Variants in ENOX1 observed in about 807,000 individuals in gnomAD.
ENOX1 encodes the protein ecto-NOX disulfide-thiol exchanger 1, also known as candidate growth-related and time keeping constitutive hydroquinone (NADH) oxidase.
Under a neutral mutation model 82.5 loss-of-function variants are expected in ENOX1, and 42 were observed. The ratio of observed to expected loss-of-function variants is 0.51; its 90% CI spans 0.40 to 0.66. The LOEUF (loss-of-function observed/expected upper bound fraction) is 0.66. Among genes scored for constraint, ENOX1 ranks in the 30% least tolerant of loss-of-function variants. The pLI, the probability that ENOX1 is intolerant of heterozygous loss-of-function variation, is 0.00. For synonymous variants in ENOX1, 271 were observed against 282.2 expected (o/e 0.96, Z 0.40); for missense variants, 608 against 811.6 (o/e 0.75, Z 3.05).
intron 5 of ENOX1, among the ~76,000 whole-genome samples, chr13:43,369,438 A>T (rs1425080881): frequency 6.6e-6 from 1 of 152,172 alleles, no homozygotes; most frequent in Admixed American, 6.5e-5. Context: ...GTTACGATTA[A>T]AAAGTAATGG....
At chr13:43,284,807 TG>T (rs1435195365) in intron 12 of ENOX1, among the ~76,000 whole-genome samples, 2 of 135,302 alleles carry the variant, frequency 1.5e-5, no homozygotes, top group African/African-American at 5.5e-5. Flanking sequence ...TGTGTGTGTG[TG>T]TGTGTAAGAG....
At position 43,360,708 on chromosome 13, in the gene ENOX1, T is replaced by C. The variant is rs1223265835; in HGVS notation, c.382+571A>G. On this transcript the variant is annotated intron_variant, in intron 6 of 16. Coordinates refer to ENST00000690772, the MANE Select transcript of ENOX1 (RefSeq NM_001347969.2). ...AAAAGGCAACACTGATTAATATGAATGACAAAAAAAAAAAAAAGTCCTAGC... is the reference window on the plus strand; with the variant it reads ...AAAAGGCAACACTGATTAATATGAACGACAAAAAAAAAAAAAAGTCCTAGC... Among the ~76,000 whole-genome samples, 13 of 51,776 alleles carry C rather than the reference T, an allele frequency of 2.5e-4. 1 individual carries two copies. Among genetic ancestry groups the C allele is most frequent in the Admixed American group, 1.5e-3 (8 of 5,380 alleles). The allele number at this position is 51,776 out of a possible 152,430, so 34.0% of individuals were successfully genotyped here.
chr13:43,725,051 A>G (rs1434260431), intron 1 of ENOX1, among the ~76,000 whole-genome samples: 2 of 152,168 alleles, frequency 1.3e-5, no homozygotes, highest in Non-Finnish European at 2.9e-5. Context: ...AAGCCAAGGT[A>G]AAGTTCTCTG....
intron 5 of ENOX1, among the ~76,000 whole-genome samples, chr13:43,381,046 A>T (rs1451325780): frequency 6.6e-6 from 1 of 151,892 alleles, no homozygotes; most frequent in Non-Finnish European, 1.5e-5. Context: ...AATAATATCA[A>T]CCAATTTGAC....
At chr13:43,319,654 C>T (rs761358238) in intron 11 of ENOX1, among the ~76,000 whole-genome samples, 2 of 152,104 alleles carry the variant, frequency 1.3e-5, no homozygotes, top group Non-Finnish European at 2.9e-5. Context: ...GACAGAGCGC[C>T]CTGCAGTGGG....
chr13:43,446,463 T>C (rs767350985), intron 3 of ENOX1, among the ~76,000 whole-genome samples: 1 of 152,132 alleles, frequency 6.6e-6, no homozygotes, highest in Non-Finnish European at 1.5e-5. Flanking sequence ...AAACCTGAGT[T>C]TCTTGATGGT....
At chr13:43,275,478 T>C (rs1010450981) in intron 12 of ENOX1, among the ~76,000 whole-genome samples, 6 of 152,082 alleles carry the variant, frequency 3.9e-5, no homozygotes, top group Non-Finnish European at 7.4e-5. Context: ...AGAACTTCTG[T>C]GGGATGGAGG....
intron 1 of ENOX1, among the ~76,000 whole-genome samples, chr13:43,755,285 T>C (rs1430549738): frequency 1.3e-5 from 2 of 152,176 alleles, no homozygotes; most frequent in Non-Finnish European, 2.9e-5. Context: ...ACATGCTATA[T>C]GAAGGGCAGA....
At position 43,213,501 on chromosome 13, in the gene ENOX1, C is replaced by CACTGTAAA. The variant is rs1244896879; in HGVS notation, c.*481_*488dup. ...GTTTTCTTTTGGTATGCTTTTCCCT[C>CACTGTAAA]ACTGTAAAACTTTTTCTTTTTTCTT... is the stretch of plus-strand genomic sequence containing the variant. On this transcript the variant is annotated 3_prime_UTR_variant, in exon 17 of 17. Coordinates refer to ENST00000690772, the MANE Select transcript of ENOX1 (RefSeq NM_001347969.2). 2 of 148,120 alleles carry CACTGTAAA rather than the reference C, an allele frequency of 1.4e-5. No individual in the cohort carries two copies. The highest frequency in any genetic ancestry group is 3.0e-5 in the Non-Finnish European group (2 of 66,802). The allele number at this position is 148,120 out of a possible 1,614,324, so 9.2% of individuals were successfully genotyped here. A position where few individuals can be genotyped will look rare whatever the true frequency, so the allele number is the denominator to read the frequency against.
intron 2 of ENOX1, among the ~76,000 whole-genome samples, chr13:43,610,677 A>G (rs2082162444): frequency 1.3e-5 from 2 of 152,096 alleles, no homozygotes; most frequent in African/African-American, 4.8e-5. Context: ...TCTCACAGAT[A>G]TGGTTACAAA....
intron 1 of ENOX1, among the ~76,000 whole-genome samples, chr13:43,723,151 T>A (rs1180526473): frequency 6.6e-6 from 1 of 152,178 alleles, no homozygotes; most frequent in Non-Finnish European, 1.5e-5. Context: ...GCAGAGCAAG[T>A]GGGAGCCTGG....
At chr13:43,370,362 A>G (rs868146534) in intron 5 of ENOX1, among the ~76,000 whole-genome samples, 20 of 152,048 alleles carry the variant, frequency 1.3e-4, no homozygotes, top group Admixed American at 5.2e-4. Flanking sequence ...GCGAGACTCC[A>G]TCTCAAGAAA....
At chr13:43,420,433 G>T (rs2054905346) in intron 3 of ENOX1, among the ~76,000 whole-genome samples, 1 of 152,186 alleles carries the variant, frequency 6.6e-6, no homozygotes, top group Non-Finnish European at 1.5e-5. Context: ...GACATTCTCT[G>T]ATTATTGTAG....
At chr13:43,584,914 C>A (rs940203407) in intron 2 of ENOX1, among the ~76,000 whole-genome samples, 1 of 152,194 alleles carries the variant, frequency 6.6e-6, no homozygotes, top group Non-Finnish European at 1.5e-5. Flanking sequence ...CAGTTTGTTA[C>A]CCCATCGCAA....
intron 3 of ENOX1, among the ~76,000 whole-genome samples, chr13:43,472,562 C>T (rs1253151016): frequency 6.6e-6 from 1 of 152,096 alleles, no homozygotes; most frequent in Non-Finnish European, 1.5e-5. Flanking sequence ...GATGCCACAG[C>T]AATAAATAGA....
intron 2 of ENOX1, chr13:43,543,815 CTCTTT>C (rs978531089): frequency 9.6e-5 from 14 of 146,482 alleles, no homozygotes; most frequent in African/African-American, 2.5e-4. Flanking sequence ...AATCATCTTT[CTCTTT>C]TATCTCTTTT....
At chr13:43,505,606 T>A (rs550690917) in intron 2 of ENOX1, among the ~76,000 whole-genome samples, 2 of 152,086 alleles carry the variant, frequency 1.3e-5, no homozygotes, top group East Asian at 3.9e-4. Flanking sequence ...GGGGTTGTTT[T>A]TTTCTTGTAA....
At chr13:43,641,161 C>T (rs958952553) in intron 2 of ENOX1, among the ~76,000 whole-genome samples, 6 of 152,116 alleles carry the variant, frequency 3.9e-5, no homozygotes, top group African/African-American at 9.7e-5. Context: ...CAAGGTATAT[C>T]TGATCAGGAA....
At chr13:43,507,804 T>C (rs967266078) in intron 2 of ENOX1, among the ~76,000 whole-genome samples, 18 of 151,930 alleles carry the variant, frequency 1.2e-4, no homozygotes, top group African/African-American at 3.9e-4. Context: ...GTGAAAGTAC[T>C]TAAAAATGCA....
Sources: gnomAD v4.1 joint callset for allele counts (sites outside exome capture counted in the v4.1 genomes callset) on GRCh38, gnomAD v4.1.1 for gene constraint, MANE v1.5 for transcripts, NCBI Gene and HGNC (gene_info 2026-07-23, HGNC 2026-07-21) for gene names.